Variants in TRPM3 observed in about 807,000 individuals in gnomAD.
TRPM3 encodes the protein long transient receptor potential channel 3.
In TRPM3, 77 loss-of-function variants were observed where a neutral mutation model predicts 181.2. The ratio of observed to expected loss-of-function variants is 0.42; its 90% CI spans 0.35 to 0.51. The LOEUF (loss-of-function observed/expected upper bound fraction) is 0.51. TRPM3 is among the 20% of genes least tolerant of loss of function. The pLI is 0.01. For synonymous variants in TRPM3, 745 were observed against 796.4 expected, an observed-to-expected ratio of 0.94 and a Z score of 1.09; for missense variants, 1,759 against 2,196.7, an observed-to-expected ratio of 0.80 and a Z score of 3.98.
At chr9:71,015,849 G>T (rs549211390) in intron 1 of TRPM3, among the ~76,000 whole-genome samples, 2 of 152,190 alleles carry the variant, frequency 1.3e-5, no homozygotes, top group Non-Finnish European at 2.9e-5. Context: ...GTATTGGGCA[G>T]TTCCCTTGAC....
chr9:71,140,485 C>A (rs2134537172), intron 1 of TRPM3, among the ~76,000 whole-genome samples: 1 of 152,196 alleles, frequency 6.6e-6, no homozygotes, highest in African/African-American at 2.4e-5. Context: ...CTTCTTCTCT[C>A]TTCCCCATCT....
chr9:70,757,104 G>A (rs1322203818), intron 8 of TRPM3, among the ~76,000 whole-genome samples: 2 of 152,030 alleles, frequency 1.3e-5, no homozygotes, highest in Non-Finnish European at 2.9e-5. Context: ...TAATAAAGAA[G>A]AAAAGAGAGA....
intron 1 of TRPM3, among the ~76,000 whole-genome samples, chr9:71,330,702 T>C (rs1216408046): frequency 6.6e-6 from 1 of 151,860 alleles, no homozygotes; most frequent in Non-Finnish European, 1.5e-5. Context: ...TAACACTTAA[T>C]ATACACCATA....
chr9:71,263,129 GT>G lies in TRPM3; in HGVS notation c.183+183523del, dbSNP rs374353824. On this transcript the variant is annotated intron_variant, in intron 1 of 24. Transcript: ENST00000357533. ...TCTCACTGACCACCATTATTTTTAA[GT>G]TTTTTGTCTTTTACTTAAAACTATT... Among the ~76,000 whole-genome samples, 604 of 152,246 alleles carry G rather than the reference GT, an allele frequency of 4.0e-3. 4 individuals carry two copies. Among genetic ancestry groups the G allele is most frequent in the Middle Eastern group, 0.02 (6 of 294 alleles).
intron 1 of TRPM3, among the ~76,000 whole-genome samples, chr9:71,270,531 C>T (rs2083711493): frequency 1.3e-5 from 2 of 152,202 alleles, no homozygotes; most frequent in Non-Finnish European, 2.9e-5. Flanking sequence ...GTTCCCCTGC[C>T]TCAGTGTCAT....
chr9:71,348,931 A>C (rs2091449990), intron 1 of TRPM3, among the ~76,000 whole-genome samples: 1 of 152,136 alleles, frequency 6.6e-6, no homozygotes, highest in African/African-American at 2.4e-5. Flanking sequence ...ATGGCCACTG[A>C]TCTGTTTTGT....
At chr9:71,423,974 G>A (rs1935336) in intron 1 of TRPM3, among the ~76,000 whole-genome samples, 1,619 of 152,174 alleles carry the variant, frequency 0.011, 26 homozygotes, top group African/African-American at 0.037. Context: ...GCTGAATGAT[G>A]TCAGGCTGGC....
chr9:70,562,518 T>C (rs992975468), intron 22 of TRPM3, among the ~76,000 whole-genome samples: 1 of 152,162 alleles, frequency 6.6e-6, no homozygotes, highest in Non-Finnish European at 1.5e-5. Context: ...AGTTTCAGCT[T>C]TGAGCTATTC....
intron 1 of TRPM3, among the ~76,000 whole-genome samples, chr9:71,249,014 G>GA (rs1368682121): frequency 1.3e-5 from 2 of 152,050 alleles, no homozygotes; most frequent in Non-Finnish European, 1.5e-5. Flanking sequence ...AGCAGGCAAT[G>GA]AAAAAAGTGT....
intron 1 of TRPM3, among the ~76,000 whole-genome samples, chr9:71,140,714 A>G (rs2075048073): frequency 6.6e-6 from 1 of 152,198 alleles, no homozygotes; most frequent in Non-Finnish European, 1.5e-5. Flanking sequence ...AGGTACTGAG[A>G]TAAGTAGCAA....
intron 1 of TRPM3, among the ~76,000 whole-genome samples, chr9:70,895,276 T>C (rs998671002): frequency 6.6e-6 from 1 of 152,202 alleles, no homozygotes; most frequent in African/African-American, 2.4e-5. Context: ...CTTTTAACAA[T>C]GTTCTTAAAA....
intron 22 of TRPM3, among the ~76,000 whole-genome samples, chr9:70,553,895 G>A (rs2047042981): frequency 6.6e-6 from 1 of 152,164 alleles, no homozygotes; most frequent in East Asian, 1.9e-4. Flanking sequence ...AGGGCTTGTT[G>A]CTCTCTGCTC....
rs1318966971 is a variant in TRPM3, at chr9:71,292,635, T to TA, written c.183+154017dup. 5.9e-5 allele frequency among the ~76,000 whole-genome samples: 9 copies of TA among 151,988 alleles called. No homozygotes were observed. The East Asian group carries it at 7.7e-4, about 13-fold the overall frequency. On this transcript the variant is annotated intron_variant, in intron 1 of 24. Coordinates refer to the TRPM3 transcript ENST00000357533. ...TTAGAATAATCCTAATAATGTTTTT[T>TA]AAAAAAATAAGTTAGCTGTTGAAGA... is the stretch of plus-strand genomic sequence containing the variant.
intron 1 of TRPM3, among the ~76,000 whole-genome samples, chr9:70,972,616 T>C (rs1270163872): frequency 3.9e-5 from 6 of 152,136 alleles, no homozygotes; most frequent in African/African-American, 7.2e-5. Flanking sequence ...AACTTTATGG[T>C]ATGTAAATTA....
chr9:71,093,673 G>A (rs566359505), intron 1 of TRPM3, among the ~76,000 whole-genome samples: 1 of 152,188 alleles, frequency 6.6e-6, no homozygotes, highest in Non-Finnish European at 1.5e-5. Context: ...GTGGAAGACA[G>A]TGTGGCGATT....
chr9:71,199,731 A>ATTTTTT (rs542581530), intron 1 of TRPM3, among the ~76,000 whole-genome samples: 68 of 149,596 alleles, frequency 4.5e-4, no homozygotes, highest in African/African-American at 1.6e-3. Context: ...CCCCTTTATC[A>ATTTTTT]TTTTTTTTGC....
intron 1 of TRPM3, among the ~76,000 whole-genome samples, chr9:71,042,989 T>A (rs1344068432): frequency 6.6e-6 from 1 of 152,186 alleles, no homozygotes; most frequent in Non-Finnish European, 1.5e-5. Flanking sequence ...TTAATTCCTG[T>A]TTCTTGCGAT....
chr9:70,646,238 G>T (rs2058823342), intron 9 of TRPM3, among the ~76,000 whole-genome samples: 1 of 152,158 alleles, frequency 6.6e-6, no homozygotes. Context: ...GTACCCAAAG[G>T]ATTATAAATC....
At chr9:71,101,398 G>A (rs771579842) in intron 1 of TRPM3, among the ~76,000 whole-genome samples, 29 of 152,230 alleles carry the variant, frequency 1.9e-4, no homozygotes, top group Middle Eastern at 3.4e-3. Context: ...AGGAAAATGT[G>A]CCAAAGCAAT....
Sources: allele counts gnomAD v4.1 joint callset (sites outside exome capture counted in the v4.1 genomes callset), GRCh38; gene constraint gnomAD v4.1.1; transcripts MANE v1.5; gene names NCBI Gene and HGNC (gene_info 2026-07-23, HGNC 2026-07-21).